Variants in VEPH1 observed in about 807,000 individuals in gnomAD.
The protein encoded by VEPH1 is ventricular zone-expressed PH domain-containing protein homolog 1.
Under a neutral mutation model 85.2 loss-of-function variants are expected in VEPH1, and 80 were observed. The observed-to-expected ratio is 0.94, with a 90% confidence interval of 0.78 to 1.13. VEPH1 has a LOEUF of 1.13. VEPH1 is among the 50% of genes most tolerant of loss of function. The pLI, the probability that VEPH1 is intolerant of heterozygous loss-of-function variation, is 0.00. For synonymous variants in VEPH1, 297 were observed against 348.0 expected (o/e 0.85, Z 1.63); for missense variants, 955 against 980.5 (o/e 0.97, Z 0.35).
At chr3:157,357,640 G>A (rs12490192) in intron 9 of VEPH1, among the ~76,000 whole-genome samples, 34,352 of 151,790 alleles carry the variant, frequency 0.23, 4,739 homozygotes, top group Admixed American at 0.43. Flanking sequence ...CTGCAGGCGC[G>A]TGCTACCACG....
At chr3:157,269,001 A>G (rs1288648063) in intron 12 of VEPH1, among the ~76,000 whole-genome samples, 1 of 152,170 alleles carries the variant, frequency 6.6e-6, no homozygotes, top group African/African-American at 2.4e-5. Context: ...ATTTAATGTA[A>G]TGCTATTTAA....
chr3:157,261,684 A>G (rs567824021), intron 13 of VEPH1, among the ~76,000 whole-genome samples: 2 of 152,298 alleles, frequency 1.3e-5, no homozygotes, highest in South Asian at 4.1e-4. Flanking sequence ...GTGCAACGGT[A>G]CAATTTGGAG....
At chr3:157,492,609 G>C (rs73158539) in intron 2 of VEPH1, among the ~76,000 whole-genome samples, 22,528 of 152,084 alleles carry the variant, frequency 0.15, 2,149 homozygotes, top group African/African-American at 0.25. Context: ...TAGAAACAGA[G>C]GGTAGACTCT....
intron 2 of VEPH1, among the ~76,000 whole-genome samples, chr3:157,475,237 C>A (rs973341898): frequency 9.9e-5 from 15 of 151,468 alleles, no homozygotes; most frequent in Non-Finnish European, 1.9e-4. Context: ...AGTGATCCTC[C>A]CCACCTTGGC....
At chr3:157,470,956 G>C (rs1398530477) in intron 2 of VEPH1, among the ~76,000 whole-genome samples, 3 of 151,950 alleles carry the variant, frequency 2.0e-5, no homozygotes, top group Non-Finnish European at 4.4e-5. Context: ...GGACATAATG[G>C]AACACATCAT....
At chr3:157,333,082 G>T (rs1052416884) in intron 9 of VEPH1, among the ~76,000 whole-genome samples, 1 of 152,150 alleles carries the variant, frequency 6.6e-6, no homozygotes, top group African/African-American at 2.4e-5. Context: ...TTTCAATGTT[G>T]TTTCTGATAT....
At chr3:157,440,624 G>A (rs1414087069) in intron 4 of VEPH1, among the ~76,000 whole-genome samples, 9 of 151,344 alleles carry the variant, frequency 5.9e-5, no homozygotes, top group Non-Finnish European at 1.0e-4. Context: ...ATACATATAT[G>A]TATGTATACA....
At chr3:157,323,377 G>C (rs1267756186) in intron 9 of VEPH1, among the ~76,000 whole-genome samples, 1 of 152,208 alleles carries the variant, frequency 6.6e-6, no homozygotes, top group Non-Finnish European at 1.5e-5. Flanking sequence ...TCAGAAGTGT[G>C]AGTTGTTGAA....
At chr3:157,272,469 T>G (rs1432335048) in intron 12 of VEPH1, among the ~76,000 whole-genome samples, 1 of 130,590 alleles carries the variant, frequency 7.7e-6, no homozygotes, top group Non-Finnish European at 1.7e-5. Flanking sequence ...TCTCCCTTTC[T>G]TTTTTTTTTT....
chr3:157,430,057 T>C (rs1286319253), intron 4 of VEPH1, among the ~76,000 whole-genome samples: 1 of 152,222 alleles, frequency 6.6e-6, no homozygotes, highest in African/African-American at 2.4e-5. Flanking sequence ...TTTTAAATTA[T>C]GAAATAGTTC....
intron 11 of VEPH1, among the ~76,000 whole-genome samples, chr3:157,307,118 A>G (rs1719600931): frequency 6.6e-6 from 1 of 152,026 alleles, no homozygotes; most frequent in South Asian, 2.1e-4. Flanking sequence ...TCAGCTTTAA[A>G]TGGAATTAAG....
chr3:157,469,119 C>T (rs920784077), intron 3 of VEPH1, among the ~76,000 whole-genome samples: 1 of 152,104 alleles, frequency 6.6e-6, no homozygotes, highest in African/African-American at 2.4e-5. Context: ...AGAGCAAATG[C>T]ACTGGGTCTT....
Position 157,470,276 on chromosome 3 carries a change from C to T in VEPH1, c.354+38G>A, listed in dbSNP as rs1457484660. 6 of 1,597,608 alleles carry T rather than the reference C, an allele frequency of 3.8e-6. No individual in the cohort carries two copies. The African/African-American group carries it at 4.0e-5, about 11-fold the overall frequency. Reference sequence around the variant, plus strand: ...ATCACAGGTTCACCTAGGCTGCCAACTCAGTATCAAATAGCCTGATGTTGA... The same window carrying T: ...ATCACAGGTTCACCTAGGCTGCCAATTCAGTATCAAATAGCCTGATGTTGA... On this transcript the variant is annotated intron_variant, in intron 3 of 13. Coordinates refer to ENST00000362010, the MANE Select transcript of VEPH1 (RefSeq NM_001167912.2).
At chr3:157,371,529 C>T (rs1727484931) in intron 7 of VEPH1, among the ~76,000 whole-genome samples, 1 of 152,192 alleles carries the variant, frequency 6.6e-6, no homozygotes, top group Non-Finnish European at 1.5e-5. Flanking sequence ...TGGAGCTTGT[C>T]AGAAGTGCAG....
intron 6 of VEPH1, among the ~76,000 whole-genome samples, chr3:157,401,483 G>A (rs924709283): frequency 1.3e-5 from 2 of 152,048 alleles, no homozygotes; most frequent in African/African-American, 4.8e-5. Flanking sequence ...AAAACAAATA[G>A]CCAGGATGTT....
chr3:157,341,253 T>C lies in VEPH1; in HGVS notation c.1735+22111A>G, dbSNP rs1448763009. ...AGCTAAAGGAGGAAGCTCAAACCCATAGCAAAGAAGCTAAAAACCTTGAAA... is the reference window on the plus strand; with the variant it reads ...AGCTAAAGGAGGAAGCTCAAACCCACAGCAAAGAAGCTAAAAACCTTGAAA... On this transcript the variant is annotated intron_variant, in intron 9 of 13. Coordinates refer to ENST00000362010, the MANE Select transcript of VEPH1 (RefSeq NM_001167912.2). Among the ~76,000 whole-genome samples the C allele has an allele frequency of 3.9e-5, 6 of 152,062 alleles. No individual in the cohort carries two copies. In the East Asian group the frequency reaches 5.8e-4, roughly 15 times the overall value.
At chr3:157,473,863 T>G (rs556022907) in intron 2 of VEPH1, among the ~76,000 whole-genome samples, 1 of 152,286 alleles carries the variant, frequency 6.6e-6, no homozygotes, top group South Asian at 2.1e-4. Flanking sequence ...TTAAATGCCT[T>G]TTTAGCATTT....
At chr3:157,296,725 A>T (rs1224214348) in intron 11 of VEPH1, among the ~76,000 whole-genome samples, 1 of 152,256 alleles carries the variant, frequency 6.6e-6, no homozygotes, top group Admixed American at 6.5e-5. Context: ...ACTTAGAAAT[A>T]AAAGTTTTTC....
At chr3:157,449,983 T>C (rs984763710) in intron 4 of VEPH1, among the ~76,000 whole-genome samples, 4 of 151,198 alleles carry the variant, frequency 2.6e-5, no homozygotes, top group Non-Finnish European at 4.4e-5. Flanking sequence ...TCTAAATTGA[T>C]CTCACTTCCA....
Sources: allele counts gnomAD v4.1 joint callset (sites outside exome capture counted in the v4.1 genomes callset), GRCh38; gene constraint gnomAD v4.1.1; transcripts MANE v1.5; gene names NCBI Gene and HGNC (gene_info 2026-07-23, HGNC 2026-07-21).